Variants in BCAT1 observed in about 807,000 individuals in gnomAD.
BCAT1 encodes the protein branched-chain-amino-acid aminotransferase, cytosolic.
BCAT1 carries 48 observed loss-of-function variants against 52.4 expected under a neutral mutation model. The observed-to-expected ratio is 0.92, with a 90% CI of 0.73 to 1.16. The LOEUF is 1.16. Among genes scored for constraint, BCAT1 ranks in the 50% most tolerant of loss-of-function variants. The pLI, the probability that BCAT1 is intolerant of heterozygous loss-of-function variation, is 0.00. For synonymous variants in BCAT1, 167 were observed against 161.3 expected (o/e 1.04, Z -0.27); for missense variants, 451 against 457.1 (o/e 0.99, Z 0.12).
chr12:24,833,576 G>A (rs1292868667), intron 8 of BCAT1, among the ~76,000 whole-genome samples: 1 of 152,002 alleles, frequency 6.6e-6, no homozygotes, highest in Non-Finnish European at 1.5e-5. Context: ...CCATAAAGGA[G>A]AACAATGTAT....
chr12:24,909,668 A>G (rs566369689), intron 1 of BCAT1, among the ~76,000 whole-genome samples: 10 of 152,226 alleles, frequency 6.6e-5, no homozygotes, highest in Admixed American at 2.6e-4. Flanking sequence ...CTTCTGTTGC[A>G]TTGTGTTTTC....
rs771718272 is a variant in BCAT1, at chr12:24,878,613, G to A, written c.427C>T (p.Gln143Ter). The change falls in exon 5 of 11, where the codon CAG becomes TAG. Residue 143 changes from glutamine (Q) to a stop codon, truncating the protein, a stop_gained. Transcript: ENST00000261192. LOFTEE classifies it high-confidence loss of function. Reference protein sequence around the residue: ...DKEELLECIQQLVKLDQEWVP... With the variant: ...DKEELLECIQ ...CATTCTTGATCCAATTTCACAAGCT[G>A]TTGAATACACTCTAAGAGCTCTTCT... The A allele has an allele frequency of 3.7e-6, 6 of 1,608,660 alleles. No individual in the cohort carries two copies. The highest frequency in any genetic ancestry group is 5.1e-6 in the Non-Finnish European group (6 of 1,175,634).
At chr12:24,868,796 T>C (rs1362159669) in intron 5 of BCAT1, among the ~76,000 whole-genome samples, 21 of 152,170 alleles carry the variant, frequency 1.4e-4, no homozygotes, top group Admixed American at 1.4e-3. Flanking sequence ...ACTTTAAAAC[T>C]AAGTACTTCT....
At chr12:24,903,082 G>C (rs1268319924) in intron 1 of BCAT1, 1 of 1,384,850 alleles carries the variant, frequency 7.2e-7, no homozygotes, top group Non-Finnish European at 9.3e-7. Flanking sequence ...AAGCCCCGGC[G>C]CACGGCCCAT....
intron 7 of BCAT1, among the ~76,000 whole-genome samples, chr12:24,838,444 CAT>C (rs946349191): frequency 6.6e-6 from 1 of 151,914 alleles, no homozygotes; most frequent in African/African-American, 2.4e-5. Flanking sequence ...TCAAAATAAA[CAT>C]GTGTTTTGCA....
intron 1 of BCAT1, among the ~76,000 whole-genome samples, chr12:24,908,307 T>C (rs1052145361): frequency 3.9e-5 from 6 of 152,252 alleles, no homozygotes; most frequent in Non-Finnish European, 5.9e-5. Context: ...CCAGTAGAAC[T>C]TTCTGTGCTG....
At chr12:24,844,822 G>A (rs1273294281) in intron 6 of BCAT1, among the ~76,000 whole-genome samples, 3 of 147,250 alleles carry the variant, frequency 2.0e-5, no homozygotes, top group Non-Finnish European at 4.5e-5. Context: ...GCGTGAACCC[G>A]GGAGGTGGAG....
chr12:24,924,665 TAGC>T (rs1197353623), intron 1 of BCAT1, among the ~76,000 whole-genome samples: 2 of 151,748 alleles, frequency 1.3e-5, no homozygotes, highest in African/African-American at 2.4e-5. Flanking sequence ...TTAAAAAAAA[TAGC>T]AGCAAAAACA....
At position 24,894,425 on chromosome 12, in the gene BCAT1, G is replaced by C. The variant is rs147537351; in HGVS notation, c.129C>G (p.Asp43Glu). ...TPATILKEKP[D>E]PNNLVFGTVF... Reference sequence around the variant, plus strand: ...CAGTTCCAAAAACCAGATTATTGGGGTCTGGTTTTTCCTTTAAAATGGTAG... The same window carrying C: ...CAGTTCCAAAAACCAGATTATTGGGCTCTGGTTTTTCCTTTAAAATGGTAG... The change falls in exon 3 of 11, where the codon GAC (aspartate) becomes GAG (glutamate). Residue 43 changes from aspartate to glutamate, a missense_variant. Transcript: ENST00000261192. 6.2e-7 allele frequency: 1 copy of C among 1,609,214 alleles called. No individual in the cohort carries two copies. Among genetic ancestry groups the C allele is most frequent in the Non-Finnish European group, 8.5e-7 (1 of 1,177,486 alleles).
At chr12:24,910,667 G>C (rs936592993) in intron 1 of BCAT1, among the ~76,000 whole-genome samples, 2 of 152,122 alleles carry the variant, frequency 1.3e-5, no homozygotes, top group African/African-American at 4.8e-5. Context: ...ATACACAAGG[G>C]CCAAGTAATC....
At chr12:24,902,969 G>A in intron 1 of BCAT1, 1 of 1,499,716 alleles carries the variant, frequency 6.7e-7, no homozygotes, top group Non-Finnish European at 8.9e-7. Flanking sequence ...GGCCGCAGCG[G>A]AGCGAAGCGG....
At chr12:24,844,256 C>T (rs61039308) in intron 6 of BCAT1, among the ~76,000 whole-genome samples, 3,910 of 151,154 alleles carry the variant, frequency 0.026, 146 homozygotes, top group African/African-American at 0.09. Context: ...GGAGAAACCC[C>T]GTCTCTACTA....
intron 5 of BCAT1, among the ~76,000 whole-genome samples, chr12:24,873,763 G>A (rs1294879712): frequency 6.6e-6 from 1 of 152,096 alleles, no homozygotes; most frequent in Middle Eastern, 3.2e-3. Flanking sequence ...TGCTCAAAAA[G>A]TTTCAGATTT....
chr12:24,818,919 T>A (rs1010040395), intron 10 of BCAT1, among the ~76,000 whole-genome samples: 5 of 152,168 alleles, frequency 3.3e-5, no homozygotes, highest in Non-Finnish European at 7.4e-5. Flanking sequence ...TATAATAAGT[T>A]CTCACTCTGT....
chr12:24,836,969 GAA>G (rs1243534796), intron 7 of BCAT1, among the ~76,000 whole-genome samples: 3 of 133,904 alleles, frequency 2.2e-5, no homozygotes, highest in Non-Finnish European at 4.8e-5. Flanking sequence ...GAGAAAGAAA[GAA>G]AGAGAGAGAG....
chr12:24,943,493 GAAAAAAAAA>G (rs4031153), intron 1 of BCAT1, among the ~76,000 whole-genome samples: 16 of 58,554 alleles, frequency 2.7e-4, no homozygotes, highest in South Asian at 1.8e-3. Context: ...ACCCTATCTG[GAAAAAAAAA>G]AAAAAAAAAA....
rs1389559816 is a variant in BCAT1 at position 24,814,047 on chromosome 12, T to G, written c.*3961A>C. 6.6e-6 allele frequency: 1 copy of G among 152,148 alleles called. No homozygotes were observed. The highest frequency in any genetic ancestry group is 1.5e-5 in the Non-Finnish European group (1 of 67,984). 9.4% of individuals were successfully genotyped at this position (152,148 alleles called of 1,614,324 possible). A position where few individuals can be genotyped will look rare whatever the true frequency, so the allele number is the denominator to read the frequency against. The stretch of plus-strand genomic sequence containing the variant: ...CATTGAAAAGCTGGTACCCTTTGCC[T>G]CCTTTTGTGGGGAGATATCTGGAAA... On this transcript the variant is annotated 3_prime_UTR_variant, in exon 11 of 11. Coordinates refer to ENST00000261192, the MANE Select transcript of BCAT1 (RefSeq NM_005504.7).
chr12:24,931,864 G>A (rs1943681114), intron 1 of BCAT1, among the ~76,000 whole-genome samples: 1 of 152,226 alleles, frequency 6.6e-6, no homozygotes, highest in South Asian at 2.1e-4. Context: ...AACACAGAGA[G>A]AGGGTAAAAG....
chr12:24,821,705 G>T (rs1940136967), intron 10 of BCAT1, among the ~76,000 whole-genome samples: 1 of 152,128 alleles, frequency 6.6e-6, no homozygotes, highest in South Asian at 2.1e-4. Context: ...AACACTGGAG[G>T]TATAAAGAGA....
Sources: allele counts gnomAD v4.1 joint callset (sites outside exome capture counted in the v4.1 genomes callset), GRCh38; gene constraint gnomAD v4.1.1; transcripts MANE v1.5; gene names NCBI Gene and HGNC (gene_info 2026-07-23, HGNC 2026-07-21).